The following SLC22A3 variants were observed in gnomAD, a reference collection of about 807,000 sequenced individuals.
SLC22A3 encodes EMT organic cation transporter 3.
A neutral mutation model predicts 59.1 loss-of-function variants in SLC22A3; 51 were observed. The observed-to-expected ratio is 0.86, with a 90% confidence interval of 0.69 to 1.09. The LOEUF (loss-of-function observed/expected upper bound fraction) is 1.09. Among genes scored for constraint, SLC22A3 ranks in the 50% least tolerant of loss-of-function variants. SLC22A3 has a pLI of 0.00. For missense variants in SLC22A3, 711 were observed against 726.3 expected (o/e 0.98, Z 0.24); for synonymous variants, 325 against 292.0 (o/e 1.11, Z -1.15).
At chr6:160,358,929 G>A (rs1784929055) in intron 1 of SLC22A3, among the ~76,000 whole-genome samples, 1 of 152,214 alleles carries the variant, frequency 6.6e-6, no homozygotes, top group South Asian at 2.1e-4. Flanking sequence ...AGTGAGGGCT[G>A]AAGACTCAGC....
intron 5 of SLC22A3, among the ~76,000 whole-genome samples, chr6:160,417,755 T>A (rs1404457222): frequency 6.6e-6 from 1 of 152,032 alleles, no homozygotes; most frequent in Non-Finnish European, 1.5e-5. Flanking sequence ...TTGCTAGATG[T>A]GATGCAATAG....
intron 3 of SLC22A3, 21 bp downstream of exon 3, chr6:160,407,216 C>A (rs900643657): frequency 6.3e-7 from 1 of 1,580,352 alleles, no homozygotes; most frequent in South Asian, 1.2e-5. Context: ...CTTACACCAT[C>A]TTCTCTATTT....
chr6:160,391,604 C>T (rs953962272), intron 1 of SLC22A3, among the ~76,000 whole-genome samples: 1 of 152,222 alleles, frequency 6.6e-6, no homozygotes, highest in Non-Finnish European at 1.5e-5. Context: ...AGAACTAGGA[C>T]TCGTCTTTGC....
intron 1 of SLC22A3, among the ~76,000 whole-genome samples, chr6:160,364,260 GT>G (rs1420460762): frequency 6.6e-6 from 1 of 152,208 alleles, no homozygotes; most frequent in African/African-American, 2.4e-5. Flanking sequence ...TGGTAGATGG[GT>G]TGTTGGAAGG....
chr6:160,362,151 C>A (rs1785033339), intron 1 of SLC22A3, among the ~76,000 whole-genome samples: 1 of 152,160 alleles, frequency 6.6e-6, no homozygotes, highest in African/African-American at 2.4e-5. Flanking sequence ...CAGGGGTCAC[C>A]CAGGGATGCT....
At chr6:160,351,035 A>C (rs1018389767) in intron 1 of SLC22A3, among the ~76,000 whole-genome samples, 19 of 152,240 alleles carry the variant, frequency 1.2e-4, no homozygotes, top group African/African-American at 4.6e-4. Flanking sequence ...TCTTTAAGAA[A>C]GTAGAATGAT....
At chr6:160,435,611 A>G (rs1788309010) in intron 5 of SLC22A3, among the ~76,000 whole-genome samples, 1 of 152,192 alleles carries the variant, frequency 6.6e-6, no homozygotes, top group South Asian at 2.1e-4. Flanking sequence ...AGGTACTATC[A>G]GTGTGTGTAT....
At chr6:160,408,957 A>T (rs1190214446) in intron 4 of SLC22A3, 36 bp downstream of exon 4, 1 of 1,573,892 alleles carries the variant, frequency 6.4e-7, no homozygotes, top group African/African-American at 1.4e-5. Flanking sequence ...ATTTATACTG[A>T]TTCTGCAGAA....
intron 1 of SLC22A3, among the ~76,000 whole-genome samples, chr6:160,357,346 C>T (rs192334641): frequency 7.0e-4 from 107 of 152,298 alleles, no homozygotes; most frequent in Non-Finnish European, 3.7e-4. Context: ...CCAGTTGCTG[C>T]GTCCACCTAG....
At chr6:160,447,199 C>T (rs1458479582) in intron 9 of SLC22A3, among the ~76,000 whole-genome samples, 1 of 152,072 alleles carries the variant, frequency 6.6e-6, no homozygotes, top group Non-Finnish European at 1.5e-5. Flanking sequence ...GAAAGCTTCT[C>T]CCAATAGGTT....
chr6:160,425,792 TAAATC>T, intron 5 of SLC22A3: 4 of 983,662 alleles, frequency 4.1e-6, no homozygotes, highest in African/African-American at 1.7e-5. Context: ...TGGAATATGA[TAAATC>T]AAGTCACCGT....
rs1297654347 is a variant in SLC22A3, at chr6:160,436,793, A to T, written c.989A>T (p.Asp330Val). ...SSNYSEITVT[D>V]EEVSNPSFLD... The stretch of plus-strand genomic sequence containing the variant: ...TTTCTTATATAGATCACTGTTACAG[A>T]TGAGGAAGTTAGTAATCCATCCTTT... The change falls in exon 6 of 11, where the codon GAT (aspartate) becomes GTT (valine). Residue 330 changes from aspartate (D) to valine (V), a missense_variant. Physicochemically the swap from Asp to Val is radical, Grantham distance 152 (BLOSUM62 -3). Coordinates refer to ENST00000275300, the MANE Select transcript of SLC22A3 (RefSeq NM_021977.4). 5.0e-6 allele frequency: 8 copies of T among 1,610,550 alleles called. No homozygotes were observed. Among genetic ancestry groups the T allele is most frequent in the Admixed American group, 1.7e-5 (1 of 59,976 alleles).
At chr6:160,444,509 C>A (rs1788673010) in intron 9 of SLC22A3, among the ~76,000 whole-genome samples, 1 of 152,170 alleles carries the variant, frequency 6.6e-6, no homozygotes, top group Non-Finnish European at 1.5e-5. Flanking sequence ...CACATTCCAT[C>A]ACCTCCTCCA....
chr6:160,358,384 T>C (rs1343832570), intron 1 of SLC22A3, among the ~76,000 whole-genome samples: 1 of 152,160 alleles, frequency 6.6e-6, no homozygotes, highest in Non-Finnish European at 1.5e-5. Context: ...ACTGAGAAAG[T>C]TGACTCAGAG....
At chr6:160,354,542 TAA>T (rs1784765821) in intron 1 of SLC22A3, among the ~76,000 whole-genome samples, 1 of 152,194 alleles carries the variant, frequency 6.6e-6, no homozygotes, top group South Asian at 2.1e-4. Flanking sequence ...GCCTTAAATA[TAA>T]AGAGTCAAAG....
At chr6:160,426,974 G>T (rs1016853217) in intron 5 of SLC22A3, among the ~76,000 whole-genome samples, 28 of 152,036 alleles carry the variant, frequency 1.8e-4, no homozygotes, top group Admixed American at 1.8e-3. Flanking sequence ...AATTTTTCCA[G>T]CCCCCTCAGT....
Position 160,348,656 on chromosome 6 carries a change from C to A in SLC22A3, c.237C>A (p.Arg79=), listed in dbSNP as rs1374958365. The A allele has an allele frequency of 2.7e-6, 4 of 1,499,860 alleles. No homozygotes were observed. In the East Asian group the frequency reaches 8.2e-5, roughly 31 times the overall value. The allele number at this position is 1,499,860 out of a possible 1,614,324, so 92.9% of individuals were successfully genotyped here. The change falls in exon 1 of 11, where the codon CGC becomes CGA. Residue 79 remains arginine, a synonymous_variant. Coordinates refer to ENST00000275300, the MANE Select transcript of SLC22A3 (RefSeq NM_021977.4). ...GGAACCGCACGGCGCCCGCCTCCCG[C>A]GGCCCAGAGCCCCCCGAGCGCCGCG... is the stretch of plus-strand genomic sequence containing the variant. ...EEWNRTAPAS[R]GPEPPERRGR... is the part of the protein sequence containing the mutation.
chr6:160,381,816 G>A (rs2114796468), intron 1 of SLC22A3, among the ~76,000 whole-genome samples: 1 of 152,226 alleles, frequency 6.6e-6, no homozygotes, highest in East Asian at 1.9e-4. Flanking sequence ...TACTATAACT[G>A]TCCTACCTCT....
intron 2 of SLC22A3, among the ~76,000 whole-genome samples, chr6:160,400,755 T>C (rs1235668465): frequency 6.6e-6 from 1 of 151,402 alleles, no homozygotes; most frequent in African/African-American, 2.4e-5. Flanking sequence ...GCTAAGAATG[T>C]AAAACAACTA....
Sources: gnomAD v4.1 joint callset for allele counts (sites outside exome capture counted in the v4.1 genomes callset) on GRCh38, gnomAD v4.1.1 for gene constraint, MANE v1.5 for transcripts, NCBI Gene and HGNC (gene_info 2026-07-23, HGNC 2026-07-21) for gene names.